LARP6: variants seen among roughly 807,000 people sequenced by gnomAD.
The protein encoded by LARP6 is La ribonucleoprotein 6, translational regulator.
In LARP6, 18 loss-of-function variants were observed where a neutral mutation model predicts 32.8. That is an observed-to-expected ratio of 0.55 (90% CI 0.38 to 0.81). The LOEUF (loss-of-function observed/expected upper bound fraction) is 0.81. LARP6 is among the 40% of genes least tolerant of loss of function. LARP6 has a pLI of 0.00. For missense variants in LARP6, 598 were observed against 663.1 expected, an observed-to-expected ratio of 0.90 and a Z score of 1.08; for synonymous variants, 289 against 267.2, an observed-to-expected ratio of 1.08 and a Z score of -0.80.
rs1417183788 is a variant in LARP6 at position 70,832,706 on chromosome 15, C to T, written c.822G>A (p.Glu274=). The T allele has an allele frequency of 1.2e-6, 2 of 1,604,310 alleles. No homozygotes were observed. The highest frequency in any genetic ancestry group is 1.7e-6 in the Non-Finnish European group (2 of 1,176,246). The change falls in exon 3 of 3, where the codon GAG becomes GAA. Residue 274 remains glutamate (E), a synonymous_variant. Coordinates refer to ENST00000299213, the MANE Select transcript of LARP6 (RefSeq NM_018357.4). ...EEVEAAIKAH[E]FMITESQGKE... is the part of the protein sequence containing the mutation. ...TGCCCTGAGATTCTGTGATCATGAA[C>T]TCATGGGCTTTGATGGCTGCTTCCA...
intron 1 of LARP6, among the ~76,000 whole-genome samples, 185 bp from the exon 2 acceptor site, chr15:70,836,690 A>G (rs1418975251): frequency 6.6e-6 from 1 of 152,184 alleles, no homozygotes; most frequent in African/African-American, 2.4e-5. Flanking sequence ...CTAATCCAAC[A>G]CAACTAGGGT....
At chr15:70,851,099 T>C (rs1480943063) in intron 1 of LARP6, among the ~76,000 whole-genome samples, 1 of 152,214 alleles carries the variant, frequency 6.6e-6, no homozygotes, top group African/African-American at 2.4e-5. Flanking sequence ...TTCAGGATTA[T>C]ATTAGGGAAT....
At chr15:70,847,751 G>A (rs561324707) in intron 1 of LARP6, among the ~76,000 whole-genome samples, 20 of 152,060 alleles carry the variant, frequency 1.3e-4, no homozygotes, top group East Asian at 7.7e-4. Flanking sequence ...CACTGATTGC[G>A]CAGTTAATCG....
chr15:70,835,155 C>T (rs2032124555), intron 2 of LARP6, among the ~76,000 whole-genome samples: 1 of 152,164 alleles, frequency 6.6e-6, no homozygotes, highest in African/African-American at 2.4e-5. Context: ...TAAAATATCC[C>T]TTCCATTCCC....
At chr15:70,843,336 A>T (rs917719997) in intron 1 of LARP6, among the ~76,000 whole-genome samples, 1 of 152,366 alleles carries the variant, frequency 6.6e-6, no homozygotes, top group Non-Finnish European at 1.5e-5. Context: ...AAAGTAATAG[A>T]TAAACATAGC....
At chr15:70,851,724 T>C in intron 1 of LARP6, 1 of 1,613,982 alleles carries the variant, frequency 6.2e-7, no homozygotes, top group South Asian at 1.1e-5. Context: ...CCTATTCCTG[T>C]GAGGGAGACA....
chr15:70,851,786 A>G, intron 1 of LARP6: 1 of 1,603,906 alleles, frequency 6.2e-7, no homozygotes, highest in East Asian at 2.2e-5. Flanking sequence ...TGTACAGAGT[A>G]CTACAGCAAC....
chr15:70,841,002 C>A (rs1387492246), intron 1 of LARP6, among the ~76,000 whole-genome samples: 2 of 151,766 alleles, frequency 1.3e-5, no homozygotes, highest in Non-Finnish European at 2.9e-5. Flanking sequence ...CAAGCTCCGC[C>A]TCCTGGGTTC....
Position 70,836,529 on chromosome 15 carries a change from G to A in LARP6, c.201-24C>T, listed in dbSNP as rs555712229. The A allele has an allele frequency of 5.3e-5, 84 of 1,598,200 alleles. No individual in the cohort carries two copies. The East Asian group carries it at 1.8e-3, about 35-fold the overall frequency. On this transcript the variant is annotated intron_variant, in intron 1 of 2. Transcript: ENST00000299213. ...CACTGAGACCAGAAGGAGACACCGG[G>A]TGTTAGGGTCAACGTTGAACTGTGT...
At chr15:70,851,476 TTA>T in intron 1 of LARP6, 1 of 1,354,970 alleles carries the variant, frequency 7.4e-7, no homozygotes, top group Non-Finnish European at 9.6e-7. Flanking sequence ...TTCTGTTCCC[TTA>T]TATAAGCTAG....
Position 70,831,009 on chromosome 15 carries a change from A to C in LARP6, c.*1043T>G, listed in dbSNP as rs2032030011. 6.6e-6 allele frequency: 1 copy of C among 152,190 alleles called. No individual in the cohort carries two copies. Among genetic ancestry groups the C allele is most frequent in the African/African-American group, 2.4e-5 (1 of 41,436 alleles). The allele number at this position is 152,190 out of a possible 1,614,324, so 9.4% of individuals were successfully genotyped here. A position where few individuals can be genotyped will look rare whatever the true frequency, so the allele number is the denominator to read the frequency against. Reference sequence around the variant, plus strand: ...TAGTGAGAGATTGGGGGTCAAATGGACTGACCTCAAGTCCTGCAGCCTTTG... The same window carrying C: ...TAGTGAGAGATTGGGGGTCAAATGGCCTGACCTCAAGTCCTGCAGCCTTTG... On this transcript the variant is annotated 3_prime_UTR_variant, in exon 3 of 3. Coordinates refer to ENST00000299213, the MANE Select transcript of LARP6 (RefSeq NM_018357.4).
intron 2 of LARP6, 79 bp from the exon 3 acceptor site, chr15:70,833,195 A>C (rs561583492): frequency 8.8e-7 from 1 of 1,137,742 alleles, no homozygotes; most frequent in Admixed American, 1.8e-5. Context: ...TCCCTCCCTC[A>C]CTTCCTTATC....
intron 1 of LARP6, among the ~76,000 whole-genome samples, chr15:70,839,650 T>A (rs894324698): frequency 2.0e-4 from 31 of 151,960 alleles, no homozygotes; most frequent in African/African-American, 7.0e-4. Context: ...TGGCGCAATC[T>A]CAGCTCACTG....
At chr15:70,847,699 A>G (rs1405893036) in intron 1 of LARP6, among the ~76,000 whole-genome samples, 2 of 152,186 alleles carry the variant, frequency 1.3e-5, no homozygotes, top group Non-Finnish European at 2.9e-5. Flanking sequence ...GTAGCATAAA[A>G]CATCCAAGGC....
intron 1 of LARP6, among the ~76,000 whole-genome samples, chr15:70,848,039 T>C (rs888851105): frequency 5.9e-5 from 9 of 152,188 alleles, no homozygotes; most frequent in African/African-American, 2.2e-4. Context: ...GAATGTGAAA[T>C]GGTTCAAAAA....
At chr15:70,834,229 T>C (rs983261040) in intron 2 of LARP6, among the ~76,000 whole-genome samples, 4 of 152,108 alleles carry the variant, frequency 2.6e-5, no homozygotes, top group African/African-American at 9.7e-5. Flanking sequence ...GCAGACCCAT[T>C]ACTATACACA....
rs902688124 is a variant in LARP6, at chr15:70,830,845, C to T, written c.*1207G>A. The T allele has an allele frequency of 6.6e-6, 1 of 152,216 alleles. No homozygotes were observed. The highest frequency in any genetic ancestry group is 1.5e-5 in the Non-Finnish European group (1 of 68,052). The allele number at this position is 152,216 out of a possible 1,614,324, so 9.4% of individuals were successfully genotyped here. ...CAAGGCAGCTCCTGATGATAACAAA[C>T]ATTAACCCAAGTGAGAAGGAAAGAG... is the stretch of plus-strand genomic sequence containing the variant. On this transcript the variant is annotated 3_prime_UTR_variant, in exon 3 of 3. Coordinates refer to ENST00000299213, the MANE Select transcript of LARP6 (RefSeq NM_018357.4).
chr15:70,831,964 G>A lies in LARP6; in HGVS notation c.*88C>T, dbSNP rs976544861. ...AATAAAAAATCTCTCAAAGGGGAAC[G>A]AATTCCATTCTGTCATGCCAGGTGT... On this transcript the variant is annotated 3_prime_UTR_variant, in exon 3 of 3. Coordinates refer to ENST00000299213, the MANE Select transcript of LARP6 (RefSeq NM_018357.4). The A allele has an allele frequency of 3.4e-6, 3 of 891,416 alleles. No homozygotes were observed. The East Asian group carries it at 7.9e-5, about 24-fold the overall frequency. 55.2% of individuals were successfully genotyped at this position (891,416 alleles called of 1,614,324 possible).
At chr15:70,833,238 C>A in intron 2 of LARP6, 122 bp from the exon 3 acceptor site, 1 of 754,724 alleles carries the variant, frequency 1.3e-6, no homozygotes, top group Non-Finnish European at 2.2e-6. Flanking sequence ...ATTCTAGTGT[C>A]TAGAATCATA....
Sources: allele counts gnomAD v4.1 joint callset (sites outside exome capture counted in the v4.1 genomes callset), GRCh38; gene constraint gnomAD v4.1.1; transcripts MANE v1.5; gene names NCBI Gene and HGNC (gene_info 2026-07-23, HGNC 2026-07-21).